Variants in CLOCK observed in about 807,000 individuals in gnomAD.
CLOCK encodes the protein circadian locomoter output cycles protein kaput.
Under a neutral mutation model 118.4 loss-of-function variants are expected in CLOCK, and 43 were observed. The observed-to-expected ratio is 0.36, with a 90% confidence interval of 0.28 to 0.47. CLOCK has a LOEUF of 0.47. Among genes scored for constraint, CLOCK ranks in the 20% least tolerant of loss-of-function variants. The probability of loss-of-function intolerance (pLI) is 1.00; values close to 1 mark genes in which losing one functional copy is unlikely to be tolerated. For missense variants in CLOCK, 846 were observed against 999.9 expected, an observed-to-expected ratio of 0.85 and a Z score of 2.08; for synonymous variants, 326 against 339.2, an observed-to-expected ratio of 0.96 and a Z score of 0.43.
rs145286842 is a variant in CLOCK at position 55,473,949 on chromosome 4, A to G, written c.348+2014T>C. On this transcript the variant is annotated intron_variant, in intron 7 of 22. Transcript: ENST00000513440. ...GAGCTCCCCATTCCCTGAGACATACAACAATACTGAAATTAGGCCAATTAA... is the reference window on the plus strand; with the variant it reads ...GAGCTCCCCATTCCCTGAGACATACGACAATACTGAAATTAGGCCAATTAA... 4.8e-3 allele frequency among the ~76,000 whole-genome samples: 738 copies of G among 152,246 alleles called. 2 individuals carry two copies. The highest frequency in any genetic ancestry group is 8.5e-3 in the Non-Finnish European group (575 of 68,020).
At chr4:55,535,464 T>C (rs1024666804) in intron 1 of CLOCK, among the ~76,000 whole-genome samples, 13 of 152,134 alleles carry the variant, frequency 8.5e-5, no homozygotes, top group African/African-American at 2.7e-4. Flanking sequence ...CCTAATAATT[T>C]GGAAGGTCAA....
Position 55,543,167 on chromosome 4 carries a change from C to T in CLOCK, c.-290+3615G>A, listed in dbSNP as rs1201903596. Among the ~76,000 whole-genome samples the T allele has an allele frequency of 2.0e-5, 3 of 152,320 alleles. No individual in the cohort carries two copies. In the East Asian group the frequency reaches 5.8e-4, roughly 29 times the overall value. On this transcript the variant is annotated intron_variant, in intron 1 of 22. Transcript: ENST00000513440. ...TCCTGGGCTCAAGCCATTCTCCCAC[C>T]TCGGCCGCTCGAAGTTTACAGTGAA...
At chr4:55,546,346 C>G (rs1182664283) in intron 1 of CLOCK, 2 of 152,496 alleles carry the variant, frequency 1.3e-5, no homozygotes, top group African/African-American at 2.4e-5. Flanking sequence ...GGGCCTCGGC[C>G]CGAAGTCCCG....
intron 7 of CLOCK, among the ~76,000 whole-genome samples, chr4:55,473,667 G>GT (rs1377595321): frequency 2.0e-5 from 3 of 151,954 alleles, no homozygotes; most frequent in Non-Finnish European, 4.4e-5. Context: ...TTTGCTTTTT[G>GT]TTTTTTCACA....
chr4:55,453,920 T>C (rs902766229), intron 13 of CLOCK, 96 bp from the exon 14 acceptor site: 11 of 917,292 alleles, frequency 1.2e-5, no homozygotes, highest in African/African-American at 5.1e-5. Context: ...AGTTTACACA[T>C]ACTATTATTT....
intron 8 of CLOCK, among the ~76,000 whole-genome samples, 196 bp downstream of exon 8, chr4:55,470,521 T>C (rs573016212): frequency 2.0e-5 from 3 of 151,396 alleles, no homozygotes; most frequent in African/African-American, 4.9e-5. Flanking sequence ...ATAACTATAG[T>C]TGAATATTAA....
At chr4:55,478,727 C>G in intron 6 of CLOCK, 88 bp downstream of exon 6, 1 of 1,322,510 alleles carries the variant, frequency 7.6e-7, no homozygotes, top group East Asian at 2.3e-5. Flanking sequence ...TTAAAAAAGC[C>G]AAGGAAGCAT....
At chr4:55,435,631 C>G in intron 22 of CLOCK, 37 bp from the exon 23 acceptor site, 1 of 1,602,814 alleles carries the variant, frequency 6.2e-7, no homozygotes, top group Non-Finnish European at 8.5e-7. Context: ...TTGCTTTACT[C>G]CCTTTATGGC....
rs918290072 is a variant in CLOCK, at chr4:55,429,570, C to T, written c.*5845G>A. The T allele has an allele frequency of 1.3e-5, 2 of 152,166 alleles. No homozygotes were observed. The highest frequency in any genetic ancestry group is 4.8e-5 in the African/African-American group (2 of 41,420). The allele number at this position is 152,166 out of a possible 1,614,324, so 9.4% of individuals were successfully genotyped here. ...TTTACAGCCTGTATACATTATTCCGCCAAATTTAAGAACTTTAAATGGATT... is the reference window on the plus strand; with the variant it reads ...TTTACAGCCTGTATACATTATTCCGTCAAATTTAAGAACTTTAAATGGATT... On this transcript the variant is annotated 3_prime_UTR_variant, in exon 23 of 23. Coordinates refer to ENST00000513440, the MANE Select transcript of CLOCK (RefSeq NM_004898.4).
intron 21 of CLOCK, among the ~76,000 whole-genome samples, chr4:55,440,049 T>TC (rs1723231471): frequency 6.6e-6 from 1 of 152,016 alleles, no homozygotes; most frequent in Non-Finnish European, 1.5e-5. Context: ...AAAACCTTTT[T>TC]CTTTTTATAA....
chr4:55,436,721 CAA>C lies in CLOCK; in HGVS notation c.2362-1129_2362-1128del, dbSNP rs559192212. Among the ~76,000 whole-genome samples the C allele has an allele frequency of 4.2e-3, 632 of 152,224 alleles. 3 individuals are homozygous for C. Among genetic ancestry groups the C allele is most frequent in the Admixed American group, 7.2e-3 (110 of 15,274 alleles). On this transcript the variant is annotated intron_variant, in intron 22 of 22. Transcript: ENST00000513440. ...TGTTATTAGGAAAAGCTGTGTAAGG[CAA>C]AGACTTGATACTTATGAGCCTTATA...
chr4:55,520,065 G>A (rs961155628), intron 1 of CLOCK, among the ~76,000 whole-genome samples: 13 of 152,116 alleles, frequency 8.5e-5, no homozygotes, highest in Non-Finnish European at 1.2e-4. Context: ...TTAATAATCC[G>A]ATTCAAGGCC....
At chr4:55,520,204 T>C (rs9312662) in intron 1 of CLOCK, among the ~76,000 whole-genome samples, 47,313 of 152,050 alleles carry the variant, frequency 0.31, 7,624 homozygotes, top group Middle Eastern at 0.41. Context: ...ATCTAACCAC[T>C]TTTTTAAGGC....
rs543652100 is a variant in CLOCK, at chr4:55,443,335, CATG to C, written c.1902+349_1902+351del. Among the ~76,000 whole-genome samples, 16 of 152,036 alleles carry C rather than the reference CATG, an allele frequency of 1.1e-4. No homozygotes were observed. The East Asian group carries it at 2.9e-3, about 28-fold the overall frequency. On this transcript the variant is annotated intron_variant, in intron 20 of 22. Coordinates refer to ENST00000513440, the MANE Select transcript of CLOCK (RefSeq NM_004898.4). Reference sequence around the variant, plus strand: ...ACTAAAAATATGAAAATCAGCCTGGCATGGTGGTGGGTGCCTATAATCCCAGCT... The same window carrying C: ...ACTAAAAATATGAAAATCAGCCTGGCGTGGTGGGTGCCTATAATCCCAGCT...
At chr4:55,488,674 T>C (rs1234202023) in intron 3 of CLOCK, among the ~76,000 whole-genome samples, 2 of 152,192 alleles carry the variant, frequency 1.3e-5, no homozygotes, top group African/African-American at 4.8e-5. Flanking sequence ...AAAATTCCCC[T>C]TTTTCAATTA....
At chr4:55,447,109 G>T (rs1374800643) in intron 18 of CLOCK, among the ~76,000 whole-genome samples, 1 of 151,488 alleles carries the variant, frequency 6.6e-6, no homozygotes, top group African/African-American at 2.4e-5. Flanking sequence ...GCTCACAGCT[G>T]TAATCCCAGG....
chr4:55,528,126 G>A (rs1730321719), intron 1 of CLOCK, among the ~76,000 whole-genome samples: 1 of 152,096 alleles, frequency 6.6e-6, no homozygotes, highest in Non-Finnish European at 1.5e-5. Context: ...GGGAGGCTGA[G>A]GTGGGTGGTC....
chr4:55,456,358 T>G, intron 11 of CLOCK, 58 bp from the exon 12 acceptor site: 1 of 1,173,058 alleles, frequency 8.5e-7, no homozygotes, highest in Non-Finnish European at 1.2e-6. Context: ...TATTAAATAT[T>G]GCTACATATA....
At chr4:55,448,593 CACGCGCGCGTGTGTGTGTGTGTGTGT>C (rs1161677417) in intron 18 of CLOCK, among the ~76,000 whole-genome samples, 160 bp downstream of exon 18, 4 of 64,894 alleles carry the variant, frequency 6.2e-5, no homozygotes, top group African/African-American at 2.1e-4. Flanking sequence ...TGCGCGCGCG[CACGCGCGCGTGTGTGTGTGTGTGTGT>C]GTGTGTGTGT....
Sources: gnomAD v4.1 joint callset for allele counts (sites outside exome capture counted in the v4.1 genomes callset) on GRCh38, gnomAD v4.1.1 for gene constraint, MANE v1.5 for transcripts, NCBI Gene and HGNC (gene_info 2026-07-23, HGNC 2026-07-21) for gene names.